Variants in KANK2 observed in about 807,000 individuals in gnomAD.
KANK2 encodes KN motif and ankyrin repeat domain-containing protein 2.
In KANK2, 41 loss-of-function variants were observed where a neutral mutation model predicts 74.6. That is an observed-to-expected ratio of 0.55 (90% CI 0.43 to 0.71). KANK2 has a LOEUF of 0.71. KANK2 is among the 30% of genes least tolerant of loss of function. The probability of loss-of-function intolerance (pLI) is 0.00; values close to 1 mark genes in which losing one functional copy is unlikely to be tolerated. For synonymous variants in KANK2, 537 were observed against 519.0 expected (o/e 1.03, Z -0.47); for missense variants, 1,148 against 1,196.4 (o/e 0.96, Z 0.60).
chr19:11,194,820 GC>G (rs1437232222), intron 2 of KANK2: 1 of 301,494 alleles, frequency 3.3e-6, no homozygotes, highest in Non-Finnish European at 6.7e-6. Context: ...ATCTGTCCAG[GC>G]CCTGGACAGG....
At chr19:11,185,979 T>C (rs1311302209) in intron 4 of KANK2, among the ~76,000 whole-genome samples, 1 of 152,198 alleles carries the variant, frequency 6.6e-6, no homozygotes, top group South Asian at 2.1e-4. Context: ...TGCAGTGAAC[T>C]GTGACTGTGC....
Position 11,193,476 on chromosome 19 carries a change from G to C in KANK2, c.604C>G (p.Leu202Val). Residue 202 changes from leucine to valine, a missense_variant, in exon 4 of 13, where the codon CTG becomes GTG. Transcript: ENST00000586659. The surrounding 1 kb of genome is among the most constrained non-coding windows in gnomAD (Gnocchi z 9.6). ...MAGALRKLRQ[L>V]EEQVKLIPVL... ...GGGATCAGCTTCACCTGCTCCTCCA[G>C]CTGCCGCAGCTTCCGCAGGGCACCC... 6.2e-7 allele frequency: 1 copy of C among 1,611,258 alleles called. No individual in the cohort carries two copies. Among genetic ancestry groups the C allele is most frequent in the East Asian group, 2.2e-5 (1 of 44,874 alleles).
At position 11,193,246 on chromosome 19, in the gene KANK2, C is replaced by T. The variant is rs1568654049; in HGVS notation, c.834G>A (p.Met278Ile). ...CGGCGAGGGCAGCCTCCCCATCAGG[C>T]ATGCCCAAGTCCCGTTCTCGAACCC... ...GTWVRERDLG[M>I]PDGEAALAAK... The change falls in exon 4 of 13, where the codon ATG (methionine) becomes ATA (isoleucine). Residue 278 changes from methionine (M) to isoleucine (I), a missense_variant. Coordinates refer to ENST00000586659, the MANE Select transcript of KANK2 (RefSeq NM_001136191.3). This position sits in a 1 kb window ranked among gnomAD's most constrained non-coding sequence, Gnocchi z 9.6. 1 of 1,610,282 alleles carries T rather than the reference C, an allele frequency of 6.2e-7. No homozygotes were observed. Among genetic ancestry groups the T allele is most frequent in the South Asian group, 1.1e-5 (1 of 91,084 alleles).
chr19:11,185,121 C>T (rs1474252616), intron 4 of KANK2, among the ~76,000 whole-genome samples: 1 of 148,938 alleles, frequency 6.7e-6, no homozygotes, highest in Non-Finnish European at 1.5e-5. Context: ...CTTGCTGCAG[C>T]CTCAAAATCC....
At position 11,170,099 on chromosome 19, in the gene KANK2, G is replaced by A. The variant is rs201401900; in HGVS notation, c.2361C>T (p.Ile787=). The change falls in exon 11 of 13, where the codon ATC becomes ATT. Residue 787 remains isoleucine, a synonymous_variant. Coordinates refer to ENST00000586659, the MANE Select transcript of KANK2 (RefSeq NM_001136191.3). This position sits in a 1 kb window ranked among gnomAD's most constrained non-coding sequence, Gnocchi z 5.2. ...TGGGCACGGCCAGCAGCAGCCCCGC[G>A]ATCTCCTTGTGGCCGTGCTCACAGG... ...MCACEHGHKE[I]AGLLLAVPSC... The A allele has an allele frequency of 5.0e-6, 8 of 1,613,534 alleles. No homozygotes were observed. Among genetic ancestry groups the A allele is most frequent in the South Asian group, 1.1e-5 (1 of 91,078 alleles).
At position 11,176,663 on chromosome 19, in the gene KANK2, G is replaced by A. The variant is rs138341753; in HGVS notation, c.1675C>T (p.Arg559Trp). 558 of 1,613,688 alleles carry A rather than the reference G, an allele frequency of 3.5e-4. 8 individuals carry two copies. In the South Asian group the frequency reaches 5.1e-3, roughly 15 times the overall value. Residue 559 changes from arginine to tryptophan, a missense_variant, in exon 7 of 13, where the codon CGG becomes TGG. Arg to Trp is a moderately radical substitution (Grantham distance 101, BLOSUM62 -3). Coordinates refer to ENST00000586659, the MANE Select transcript of KANK2 (RefSeq NM_001136191.3). ...PAGTAAAKTS[R>W]QECQLSRESQ... ...TCTCGAGACAGCTGACACTCCTGCC[G>A]GCTGGTCTTGGCCGCTGCCGTCCCT...
chr19:11,189,106 C>G (rs1397236655), intron 4 of KANK2, among the ~76,000 whole-genome samples: 4 of 140,170 alleles, frequency 2.9e-5, no homozygotes, highest in Admixed American at 7.3e-5. Context: ...TCTCCCCCCC[C>G]ACCCCCGCCC....
intron 4 of KANK2, among the ~76,000 whole-genome samples, chr19:11,182,432 G>A (rs1378727926): frequency 1.3e-5 from 2 of 151,596 alleles, no homozygotes; most frequent in African/African-American, 4.8e-5. Flanking sequence ...TGGCTGAGAT[G>A]AAAAGATTGC....
chr19:11,194,411 G>A, intron 3 of KANK2, 64 bp downstream of exon 3: 3 of 1,347,492 alleles, frequency 2.2e-6, no homozygotes, highest in Non-Finnish European at 3.2e-6. Flanking sequence ...AAGGTCCCCA[G>A]CCCCCTCAGG....
chr19:11,174,115 C>T (rs551893604), intron 9 of KANK2, among the ~76,000 whole-genome samples: 7 of 150,338 alleles, frequency 4.7e-5, no homozygotes, highest in African/African-American at 1.7e-4. Flanking sequence ...ATCCCCACCA[C>T]AATGAACTGG....
rs2079060217 is a variant in KANK2, at chr19:11,197,542, C to A, written c.-336G>T. 1.3e-5 allele frequency: 2 copies of A among 151,982 alleles called. No individual in the cohort carries two copies. The highest frequency in any genetic ancestry group is 2.9e-5 in the Non-Finnish European group (2 of 68,084). 9.4% of individuals were successfully genotyped at this position (151,982 alleles called of 1,614,324 possible). A position where few individuals can be genotyped will look rare whatever the true frequency, so the allele number is the denominator to read the frequency against. ...CCCGCCGCCCGAGCGTCTTCGCGCG[C>A]GCCGCAGCCTGGGCGCCCGGCCCTC... On this transcript the variant is annotated 5_prime_UTR_variant, in exon 1 of 13. Coordinates refer to ENST00000586659, the MANE Select transcript of KANK2 (RefSeq NM_001136191.3).
chr19:11,168,005 GT>G (rs528176321), intron 12 of KANK2, among the ~76,000 whole-genome samples: 34,019 of 114,896 alleles, frequency 0.3, 3,927 homozygotes, highest in East Asian at 0.43. Context: ...CCACGTCCTT[GT>G]TTTTTTTTTT....
intron 8 of KANK2, 106 bp downstream of exon 8, chr19:11,175,796 C>T: frequency 1.4e-6 from 1 of 729,336 alleles, no homozygotes; most frequent in Non-Finnish European, 2.3e-6. Context: ...TGTCAGGGTC[C>T]CCACTAGGCA....
rs1353379404 is a variant in KANK2 at position 11,193,225 on chromosome 19, G to A, written c.855C>T (p.Leu285=). 11 of 1,609,586 alleles carry A rather than the reference G, an allele frequency of 6.8e-6. No homozygotes were observed. The highest frequency in any genetic ancestry group is 6.7e-5 in the East Asian group (3 of 44,872). Reference sequence around the variant, plus strand: ...TCTCCAGCACAGCGACCTTGGCGGCGAGGGCAGCCTCCCCATCAGGCATGC... The same window carrying A: ...TCTCCAGCACAGCGACCTTGGCGGCAAGGGCAGCCTCCCCATCAGGCATGC... ...DLGMPDGEAA[L]AAKVAVLETQ... Residue 285 remains leucine (L), a synonymous_variant, in exon 4 of 13, where the codon CTC becomes CTT. Coordinates refer to ENST00000586659, the MANE Select transcript of KANK2 (RefSeq NM_001136191.3). The surrounding 1 kb of genome is among the most constrained non-coding windows in gnomAD (Gnocchi z 9.6).
rs775848635 is a variant in KANK2 at position 11,174,531 on chromosome 19, G to T, written c.2010C>A (p.Ala670=). 3.7e-6 allele frequency: 6 copies of T among 1,613,698 alleles called. No homozygotes were observed. The South Asian group carries it at 6.6e-5, about 18-fold the overall frequency. Residue 670 remains alanine (A), a synonymous_variant, in exon 9 of 13, where the codon GCC becomes GCA. Transcript: ENST00000586659. ...TGGCATGAGACACGGAGTAGTGCAGGGCTGTGTTGCCGTTGCTGTCGGCGA... is the reference window on the plus strand; with the variant it reads ...TGGCATGAGACACGGAGTAGTGCAGTGCTGTGTTGCCGTTGCTGTCGGCGA... ...VNIADSNGNT[A]LHYSVSHANF...
At chr19:11,191,869 G>A (rs2078856246) in intron 4 of KANK2, among the ~76,000 whole-genome samples, 1 of 152,140 alleles carries the variant, frequency 6.6e-6, no homozygotes, top group South Asian at 2.1e-4. Flanking sequence ...ACCAGCCTGG[G>A]CAACATAACA....
chr19:11,189,163 C>T (rs2078765981), intron 4 of KANK2, among the ~76,000 whole-genome samples: 1 of 125,056 alleles, frequency 8.0e-6, no homozygotes, highest in South Asian at 2.8e-4. Flanking sequence ...GTGGTCACAA[C>T]TCACTGTAGC....
intron 10 of KANK2, among the ~76,000 whole-genome samples, chr19:11,171,924 T>C (rs1357291057): frequency 6.6e-6 from 1 of 151,358 alleles, no homozygotes; most frequent in African/African-American, 2.4e-5. Context: ...TCTGCCCACT[T>C]TGGCCTCCCA....
At position 11,168,954 on chromosome 19, in the gene KANK2, C is replaced by T. The variant is rs574512582; in HGVS notation, c.2502+923G>A. 4.6e-5 allele frequency among the ~76,000 whole-genome samples: 7 copies of T among 152,214 alleles called. No homozygotes were observed. In the South Asian group the frequency reaches 8.3e-4, roughly 18 times the overall value. The stretch of plus-strand genomic sequence containing the variant: ...CAGTGGCTGACCCCTGTAATCCCAG[C>T]GCTTTCAGAGGCAGAAGAGGAAGCA... On this transcript the variant is annotated intron_variant, in intron 12 of 12. Transcript: ENST00000586659.
Sources: gnomAD v4.1 joint callset for allele counts (sites outside exome capture counted in the v4.1 genomes callset) on GRCh38, gnomAD v4.1.1 for gene constraint, Gnocchi (gnomAD v3.1) non-coding constraint, MANE v1.5 for transcripts, NCBI Gene and HGNC (gene_info 2026-07-23, HGNC 2026-07-21) for gene names.